Variants in PUM1 observed in about 807,000 individuals in gnomAD.
PUM1 encodes pumilio RNA binding family member 1, also known as pumilio homolog 1.
Under a neutral mutation model 131.8 loss-of-function variants are expected in PUM1, and 13 were observed. That is an observed-to-expected ratio of 0.10 (90% CI 0.06 to 0.16). The LOEUF is 0.16. Ranked by LOEUF, PUM1 falls within the 10% of genes least tolerant of loss-of-function variation. The pLI is 1.00. For missense variants in PUM1, 961 were observed against 1,512.4 expected (o/e 0.64, Z 6.05); for synonymous variants, 509 against 556.5 (o/e 0.91, Z 1.20).
At chr1:30,987,709 C>G (rs948515540) in intron 7 of PUM1, among the ~76,000 whole-genome samples, 1 of 152,164 alleles carries the variant, frequency 6.6e-6, no homozygotes, top group Non-Finnish European at 1.5e-5. Flanking sequence ...GCATTTCAAG[C>G]TGACAAAATA....
intron 20 of PUM1, among the ~76,000 whole-genome samples, chr1:30,938,937 A>C (rs1431921531): frequency 6.7e-6 from 1 of 149,166 alleles, no homozygotes; most frequent in Non-Finnish European, 1.5e-5. Flanking sequence ...ACAGACAGAC[A>C]GACAGACAGA....
chr1:31,017,369 T>A (rs970988690), intron 3 of PUM1, among the ~76,000 whole-genome samples: 1 of 152,072 alleles, frequency 6.6e-6, no homozygotes, highest in Non-Finnish European at 1.5e-5. Context: ...GAAATGAACC[T>A]GGGATAGGAT....
chr1:30,964,596 T>C (rs1382001362), intron 14 of PUM1, 78 bp downstream of exon 14: 12 of 1,278,810 alleles, frequency 9.4e-6, no homozygotes, highest in African/African-American at 4.4e-5. Context: ...TGTCCTTTGC[T>C]TATGCAAAGT....
chr1:30,991,113 C>A (rs978747286), intron 7 of PUM1, among the ~76,000 whole-genome samples: 2 of 150,904 alleles, frequency 1.3e-5, no homozygotes, highest in African/African-American at 2.4e-5. Context: ...CATAAGAAAT[C>A]TGAGACAAAC....
chr1:30,998,463 C>T lies in PUM1; in HGVS notation c.721-3243G>A, dbSNP rs559175441. Among the ~76,000 whole-genome samples the T allele has an allele frequency of 2.6e-4, 38 of 147,102 alleles. No individual in the cohort carries two copies. The South Asian group carries it at 4.1e-3, about 16-fold the overall frequency. On this transcript the variant is annotated intron_variant, in intron 5 of 21. Coordinates refer to ENST00000426105, the MANE Select transcript of PUM1 (RefSeq NM_001020658.2). ...ACAAGCCTGGGCAACACAGAGGAGA[C>T]GCCATCTCTAAAAAAAAAGTTTTTA...
intron 9 of PUM1, among the ~76,000 whole-genome samples, chr1:30,977,584 T>C (rs1641189446): frequency 6.6e-6 from 1 of 152,220 alleles, no homozygotes; most frequent in Admixed American, 6.5e-5. Flanking sequence ...GATGCCCACT[T>C]CAATTCCTGT....
At chr1:30,972,298 G>A (rs1274762444) in intron 10 of PUM1, among the ~76,000 whole-genome samples, 8,203 of 9,454 alleles carry the variant, frequency 0.87, 3,476 homozygotes, top group Middle Eastern at 0.96. Flanking sequence ...GGAGGGGAGG[G>A]GAGGGGAGGG....
intron 3 of PUM1, among the ~76,000 whole-genome samples, chr1:31,022,032 T>C (rs1456334072): frequency 2.0e-5 from 3 of 151,136 alleles, no homozygotes; most frequent in Non-Finnish European, 4.4e-5. Context: ...TCTGGGAAAA[T>C]TGTATACACT....
chr1:30,935,099 G>A (rs1015923335), intron 21 of PUM1, among the ~76,000 whole-genome samples: 2 of 152,054 alleles, frequency 1.3e-5, no homozygotes, highest in African/African-American at 2.4e-5. Flanking sequence ...GTGCCTTGAC[G>A]GCCTCCCATG....
At chr1:30,942,196 TA>T (rs1557545186) in intron 18 of PUM1, 73 bp from the exon 19 acceptor site, 6 of 21,406 alleles carry the variant, frequency 2.8e-4, no homozygotes, top group African/African-American at 5.8e-4. Context: ...ATTGTTTATA[TA>T]TATATATATA....
At chr1:31,033,846 A>G (rs2124556295) in intron 2 of PUM1, among the ~76,000 whole-genome samples, 1 of 152,034 alleles carries the variant, frequency 6.6e-6, no homozygotes, top group East Asian at 1.9e-4. Context: ...AGGTTTCACT[A>G]TGTCATCTAG....
At chr1:31,049,284 G>A (rs949826263) in intron 2 of PUM1, among the ~76,000 whole-genome samples, 1 of 152,164 alleles carries the variant, frequency 6.6e-6, no homozygotes, top group Non-Finnish European at 1.5e-5. Context: ...GGGAGGCTGA[G>A]GCAGGTGGAT....
rs1557560296 is a variant in PUM1 at position 30,968,396 on chromosome 1, A to C, written c.1603T>G (p.Ser535Ala). Residue 535 changes from serine (S) to alanine (A), a missense_variant, in exon 11 of 22, where the codon TCT becomes GCT. Ser to Ala is a moderately conservative substitution (Grantham distance 99, BLOSUM62 1). This residue lies in a region of PUM1 where 654 missense variants were observed against 923.9 expected (regional missense o/e 0.71). Coordinates refer to ENST00000426105, the MANE Select transcript of PUM1 (RefSeq NM_001020658.2). ...DPLVAAAAVN[S>A]ALAFGQGLAA... ...AGACCTTGTCCAAATGCAAGGGCAG[A>C]ATTCACTGCTGCAGCTGCCACAAGG... 1 of 1,593,494 alleles carries C rather than the reference A, an allele frequency of 6.3e-7. No homozygotes were observed. The highest frequency in any genetic ancestry group is 1.4e-5 in the African/African-American group (1 of 73,944).
Position 30,934,777 on chromosome 1 carries a change from C to T in PUM1, c.3436-1435G>A, listed in dbSNP as rs569353591. On this transcript the variant is annotated intron_variant, in intron 21 of 21. Coordinates refer to ENST00000426105, the MANE Select transcript of PUM1 (RefSeq NM_001020658.2). ...CTCTGTCCCTGGAACTGGCTGCTGA[C>T]AAGTCCAGGCACTTCACCTTTGTAC... 4.6e-5 allele frequency among the ~76,000 whole-genome samples: 7 copies of T among 152,286 alleles called. No individual in the cohort carries two copies. The South Asian group carries it at 1.2e-3, about 27-fold the overall frequency.
intron 1 of PUM1, among the ~76,000 whole-genome samples, chr1:31,061,295 AT>A (rs1219676107): frequency 6.6e-6 from 1 of 152,152 alleles, no homozygotes; most frequent in Non-Finnish European, 1.5e-5. Flanking sequence ...CCCCATCTCT[AT>A]TATTTTATTA....
At chr1:31,030,090 G>A (rs1643367122) in intron 2 of PUM1, among the ~76,000 whole-genome samples, 1 of 151,574 alleles carries the variant, frequency 6.6e-6, no homozygotes, top group South Asian at 2.1e-4. Context: ...GGTGGCAGGC[G>A]CCTATAATCT....
intron 14 of PUM1, among the ~76,000 whole-genome samples, chr1:30,957,133 T>A (rs1013023242): frequency 5.0e-5 from 5 of 99,982 alleles, no homozygotes; most frequent in African/African-American, 2.2e-4. Context: ...CAGCTTTTAT[T>A]ACTAAGAAAT....
At chr1:30,992,976 G>T (rs1183076847) in intron 6 of PUM1, among the ~76,000 whole-genome samples, 1 of 152,136 alleles carries the variant, frequency 6.6e-6, no homozygotes, top group Non-Finnish European at 1.5e-5. Flanking sequence ...TAGCATCCAT[G>T]AAAGCAGATC....
At chr1:30,983,353 T>G (rs530067948) in intron 7 of PUM1, among the ~76,000 whole-genome samples, 13 of 152,366 alleles carry the variant, frequency 8.5e-5, no homozygotes, top group Middle Eastern at 3.4e-3. Context: ...GCCTAAAACC[T>G]TTTGCAACAT....
Sources: gnomAD v4.1 joint callset for allele counts (sites outside exome capture counted in the v4.1 genomes callset) on GRCh38, gnomAD v4.1.1 for gene constraint, gnomAD v4.1.1 regional missense constraint, MANE v1.5 for transcripts, NCBI Gene and HGNC (gene_info 2026-07-23, HGNC 2026-07-21) for gene names.